Variants in SLC12A5 observed in about 807,000 individuals in gnomAD.
The protein encoded by SLC12A5 is K-Cl cotransporter 2.
In SLC12A5, 18 loss-of-function variants were observed where a neutral mutation model predicts 124.0. The observed-to-expected ratio is 0.15, with a 90% CI of 0.10 to 0.22. The LOEUF is 0.22. Ranked by LOEUF, SLC12A5 falls within the 10% of genes least tolerant of loss-of-function variation. The pLI is 1.00. For synonymous variants in SLC12A5, 589 were observed against 568.0 expected (o/e 1.04, Z -0.53); for missense variants, 867 against 1,478.7 (o/e 0.59, Z 6.78).
Position 46,045,752 on chromosome 20 carries a change from G to A in SLC12A5, c.1570-126G>A. 2.8e-6 allele frequency: 2 copies of A among 709,510 alleles called. No homozygotes were observed. Among genetic ancestry groups the A allele is most frequent in the Non-Finnish European group, 4.7e-6 (2 of 421,188 alleles). 44.0% of individuals were successfully genotyped at this position (709,510 alleles called of 1,614,324 possible). A position where few individuals can be genotyped will look rare whatever the true frequency, so the allele number is the denominator to read the frequency against. ...TGCATTCTCCTGGAGGAAGAGAAAT[G>A]CATCCTCTCCCTTCCTCCTCTTTGG... On this transcript the variant is annotated intron_variant, in intron 12 of 25. Transcript: ENST00000243964. The surrounding 1 kb of genome is among the most constrained non-coding windows in gnomAD (Gnocchi z 4.9).
chr20:46,056,539 A>G lies in SLC12A5; in HGVS notation c.3085A>G (p.Ile1029Val). 6.2e-7 allele frequency: 1 copy of G among 1,614,108 alleles called. No individual in the cohort carries two copies. Among genetic ancestry groups the G allele is most frequent in the Non-Finnish European group, 8.5e-7 (1 of 1,179,946 alleles). ...CCCCAGTCCTGTCTCCTCTGAGGGC[A>G]TCAAGGACTTCTTCAGCATGAAGCC... ...KGPSPVSSEG[I>V]KDFFSMKPEW... Residue 1029 changes from isoleucine (I) to valine (V), a missense_variant, in exon 23 of 26, where the codon ATC becomes GTC. Transcript: ENST00000243964. The surrounding 1 kb of genome is among the most constrained non-coding windows in gnomAD (Gnocchi z 4.3).
At chr20:46,043,963 G>A (rs753841414) in intron 11 of SLC12A5, 30 bp downstream of exon 11, 1 of 1,564,230 alleles carries the variant, frequency 6.4e-7, no homozygotes, top group East Asian at 2.3e-5. Context: ...TCCTATTCTG[G>A]GGGAGGGGTG....
At chr20:46,032,248 C>T (rs533621130) in intron 1 of SLC12A5, among the ~76,000 whole-genome samples, 1 of 152,346 alleles carries the variant, frequency 6.6e-6, no homozygotes, top group East Asian at 1.9e-4. Flanking sequence ...TGCAGGGTCT[C>T]GGGCCAGGAA....
chr20:46,049,772 G>A lies in SLC12A5; in HGVS notation c.2163G>A (p.Gln721=), dbSNP rs1423882969. The change falls in exon 17 of 26, where the codon CAG becomes CAA. Residue 721 remains glutamine (Q), a synonymous_variant. Transcript: ENST00000243964. ...LEGTFLENHP[Q]AQRAEESIRR... is the part of the protein sequence containing the mutation. Reference sequence around the variant, plus strand: ...GCACCTTTCTGGAAAATCATCCACAGGCCCAGCGGGCAGAAGAGGTGAGCA... The same window carrying A: ...GCACCTTTCTGGAAAATCATCCACAAGCCCAGCGGGCAGAAGAGGTGAGCA... 4 of 1,597,756 alleles carry A rather than the reference G, an allele frequency of 2.5e-6. No individual in the cohort carries two copies. In the African/African-American group the frequency reaches 5.3e-5, roughly 21 times the overall value.
chr20:46,048,395 G>C (rs2084617616), intron 16 of SLC12A5, among the ~76,000 whole-genome samples: 1 of 152,166 alleles, frequency 6.6e-6, no homozygotes, highest in Non-Finnish European at 1.5e-5. Context: ...TGTATGGCAA[G>C]TCCCCTTCTA....
At chr20:46,029,879 TGTGTGTGTGTGCGC>T (rs1312847212) in intron 1 of SLC12A5, among the ~76,000 whole-genome samples, 32 of 52,840 alleles carry the variant, frequency 6.1e-4, no homozygotes, top group African/African-American at 1.1e-3. Flanking sequence ...TGTGTGTGTG[TGTGTGTGTGTGCGC>T]GCGCGTGCGT....
Position 46,049,808 on chromosome 20 carries a change from T to G in SLC12A5, c.2181+18T>G, listed in dbSNP as rs764842773. 6.4e-7 allele frequency: 1 copy of G among 1,567,770 alleles called. No individual in the cohort carries two copies. On this transcript the variant is annotated intron_variant, in intron 17 of 25. Transcript: ENST00000243964. The stretch of plus-strand genomic sequence containing the variant: ...CAGAAGAGGTGAGCAGAGGCCCTGG[T>G]TGGGCTTGGGAAAAGGTCAGGACAC...
At chr20:46,039,153 T>C (rs2084522794) in intron 6 of SLC12A5, among the ~76,000 whole-genome samples, 1 of 152,204 alleles carries the variant, frequency 6.6e-6, no homozygotes, top group Non-Finnish European at 1.5e-5. Context: ...TATAACCCTA[T>C]ACCTAAGCAA....
intron 6 of SLC12A5, 142 bp from the exon 7 acceptor site, chr20:46,040,231 C>A (rs1409140793): frequency 8.0e-7 from 1 of 1,251,194 alleles, no homozygotes; most frequent in Non-Finnish European, 1.1e-6. Context: ...CCTTCTTTAG[C>A]GATTCTCCTA....
At chr20:46,033,181 G>C (rs2084468507) in intron 1 of SLC12A5, among the ~76,000 whole-genome samples, 1 of 152,176 alleles carries the variant, frequency 6.6e-6, no homozygotes, top group Non-Finnish European at 1.5e-5. Flanking sequence ...GGGTGACTGA[G>C]GAAGGTTTCC....
chr20:46,053,410 G>A lies in SLC12A5; in HGVS notation c.2548-168G>A, dbSNP rs2084663261. ...TTTAATGGGGGACCCTCAGACCTAA[G>A]CAGGGAAGGTTTTGTAGAGAGTGGC... On this transcript the variant is annotated intron_variant, in intron 19 of 25. Coordinates refer to ENST00000243964, the MANE Select transcript of SLC12A5 (RefSeq NM_020708.5). The surrounding 1 kb of genome is among the most constrained non-coding windows in gnomAD (Gnocchi z 4.7). Among the ~76,000 whole-genome samples, 1 of 152,228 alleles carries A rather than the reference G, an allele frequency of 6.6e-6. No individual in the cohort carries two copies.
chr20:46,047,619 G>T (rs767666589), intron 15 of SLC12A5, 46 bp downstream of exon 15: 8 of 1,598,962 alleles, frequency 5.0e-6, no homozygotes, highest in Non-Finnish European at 6.8e-6. Context: ...AAGGCTGAAG[G>T]GTGGTGGGAA....
At chr20:46,027,759 G>A (rs1238223484), upstream of SLC12A5, 1 of 152,194 alleles carries the variant, frequency 6.6e-6, no homozygotes, top group Admixed American at 6.5e-5. Context: ...TATCAATGAA[G>A]AGAGTCCTAA....
At position 46,053,222 on chromosome 20, in the gene SLC12A5, C is replaced by T; in HGVS notation, c.2547+96C>T. 1 of 1,374,618 alleles carries T rather than the reference C, an allele frequency of 7.3e-7. No individual in the cohort carries two copies. Among genetic ancestry groups the T allele is most frequent in the Non-Finnish European group, 9.9e-7 (1 of 1,011,748 alleles). 85.2% of individuals were successfully genotyped at this position (1,374,618 alleles called of 1,614,324 possible). ...CACAACTGCAGGTCAGACTCAGGGG[C>T]TCTGGCCAGGGTCAGCTTCCGTGTC... On this transcript the variant is annotated intron_variant, in intron 19 of 25. Transcript: ENST00000243964. This position sits in a 1 kb window ranked among gnomAD's most constrained non-coding sequence, Gnocchi z 4.7.
intron 10 of SLC12A5, 44 bp downstream of exon 10, chr20:46,043,775 A>G: frequency 6.2e-7 from 1 of 1,612,694 alleles, no homozygotes; most frequent in East Asian, 2.2e-5. Context: ...GGGGAGGGCA[A>G]GAGGGAGGGC....
intron 16 of SLC12A5, among the ~76,000 whole-genome samples, chr20:46,049,113 A>G (rs903376969): frequency 6.6e-6 from 1 of 152,068 alleles, no homozygotes; most frequent in Admixed American, 6.6e-5. Flanking sequence ...CTGGGGCTCT[A>G]TATTATTTAT....
intron 16 of SLC12A5, among the ~76,000 whole-genome samples, chr20:46,048,697 C>A (rs528119262): frequency 6.6e-6 from 1 of 152,088 alleles, no homozygotes; most frequent in Non-Finnish European, 1.5e-5. Context: ...ATGGCGAGAC[C>A]CCATCTGTGC....
Position 46,047,504 on chromosome 20 carries a change from G to T in SLC12A5, c.1838G>T (p.Cys613Phe). ...CTCTGCCTGGCCCTCATGTTCATCT[G>T]CTCCTGGTATTATGCACTGGTAGCC... ...MSLCLALMFI[C>F]SWYYALVAML... Residue 613 changes from cysteine (C) to phenylalanine (F), a missense_variant, in exon 15 of 26, where the codon TGC (cysteine) becomes TTC (phenylalanine). Physicochemically the swap from Cys to Phe is radical, Grantham distance 205 (BLOSUM62 -2). Around this residue, in one of 9 missense-constraint regions of SLC12A5, gnomAD observed 152 missense variants for 358.7 expected, o/e 0.42. Coordinates refer to ENST00000243964, the MANE Select transcript of SLC12A5 (RefSeq NM_020708.5). 6.2e-7 allele frequency: 1 copy of T among 1,614,112 alleles called. No homozygotes were observed. The highest frequency in any genetic ancestry group is 8.5e-7 in the Non-Finnish European group (1 of 1,179,972).
At chr20:46,039,572 C>T (rs6124765) in intron 6 of SLC12A5, among the ~76,000 whole-genome samples, 33,886 of 151,892 alleles carry the variant, frequency 0.22, 3,939 homozygotes, top group South Asian at 0.29. Flanking sequence ...GTCAGGAGTT[C>T]GAGACCAGCC....
Sources: gnomAD v4.1 joint callset for allele counts (sites outside exome capture counted in the v4.1 genomes callset) on GRCh38, gnomAD v4.1.1 for gene constraint, gnomAD v4.1.1 regional missense constraint, Gnocchi (gnomAD v3.1) non-coding constraint, MANE v1.5 for transcripts, NCBI Gene and HGNC (gene_info 2026-07-23, HGNC 2026-07-21) for gene names.